FER: variants seen among roughly 807,000 people sequenced by gnomAD.
FER encodes FER tyrosine kinase.
FER carries 63 observed loss-of-function variants against 111.0 expected under a neutral mutation model. The ratio of observed to expected loss-of-function variants is 0.57; its 90% CI spans 0.46 to 0.70. The LOEUF (loss-of-function observed/expected upper bound fraction) is 0.70, where lower values mean the gene tolerates loss of function less well. Among genes scored for constraint, FER ranks in the 30% least tolerant of loss-of-function variants. FER has a pLI of 0.00. For missense variants in FER, 914 were observed against 954.0 expected (o/e 0.96, Z 0.55); for synonymous variants, 327 against 313.9 (o/e 1.04, Z -0.44).
chr5:109,140,121 T>C (rs1453678872), intron 17 of FER, among the ~76,000 whole-genome samples: 1 of 152,218 alleles, frequency 6.6e-6, no homozygotes, highest in East Asian at 1.9e-4. Flanking sequence ...TTAAGCCTTT[T>C]TAAAATTCTG....
intron 17 of FER, among the ~76,000 whole-genome samples, chr5:109,172,632 AATAAT>A: frequency 1.3e-5 from 2 of 152,164 alleles, no homozygotes; most frequent in African/African-American, 4.8e-5. Context: ...CTTAAAGTAT[AATAAT>A]AAAATAAAAA....
chr5:109,118,863 A>G (rs2126475868), intron 17 of FER, among the ~76,000 whole-genome samples: 1 of 149,134 alleles, frequency 6.7e-6, no homozygotes, highest in Admixed American at 6.7e-5. Context: ...CCCCTTTATC[A>G]TTTTTTATTG....
At chr5:109,146,274 A>C (rs865870412) in intron 17 of FER, among the ~76,000 whole-genome samples, 2 of 53,570 alleles carry the variant, frequency 3.7e-5, no homozygotes, top group African/African-American at 1.5e-4. Context: ...ATATATATAT[A>C]TATATATATA....
intron 10 of FER, among the ~76,000 whole-genome samples, chr5:108,901,399 C>G (rs1749995435): frequency 6.6e-6 from 1 of 151,798 alleles, no homozygotes; most frequent in South Asian, 2.1e-4. Flanking sequence ...CAGAGGCCAT[C>G]AAGAGAGGAA....
intron 16 of FER, among the ~76,000 whole-genome samples, chr5:109,050,125 G>A (rs7725708): frequency 0.19 from 28,611 of 152,076 alleles, 2,859 homozygotes; most frequent in Non-Finnish European, 0.22. Context: ...CTAAAATTCT[G>A]TCATTCAAGC....
intron 13 of FER, among the ~76,000 whole-genome samples, chr5:108,971,284 A>C (rs1025884739): frequency 1.8e-5 from 2 of 113,660 alleles, no homozygotes; most frequent in African/African-American, 4.6e-5. Flanking sequence ...AAAAAAAAAA[A>C]AAAAAAAAAA....
chr5:108,839,872 C>G (rs955072849), intron 5 of FER, among the ~76,000 whole-genome samples: 2 of 152,100 alleles, frequency 1.3e-5, no homozygotes, highest in East Asian at 3.9e-4. Flanking sequence ...CCACCGCGTC[C>G]GGCCATCCCA....
chr5:108,946,134 G>A lies in FER; in HGVS notation c.1241G>A (p.Arg414Lys), dbSNP rs766408738. 1.1e-5 allele frequency: 17 copies of A among 1,611,346 alleles called. No homozygotes were observed. The South Asian group carries it at 1.6e-4, about 16-fold the overall frequency. The change falls in exon 11 of 20, where the codon AGA becomes AAA. Residue 414 changes from arginine to lysine, a missense_variant. By Grantham distance (26) the Arg-to-Lys change is conservative. Transcript: ENST00000281092. ...CTTGTTTCTTAATCCCTCCAGGAAA[G>A]AAAGGAGAGGCTATCCAAATTTGAA... Reference protein sequence around the residue: ...EDARSVTSMERKERLSKFESI... With the variant: ...EDARSVTSMEKKERLSKFESI...
At chr5:108,906,655 AT>A (rs771451151) in intron 10 of FER, among the ~76,000 whole-genome samples, 1 of 152,084 alleles carries the variant, frequency 6.6e-6, no homozygotes, top group Non-Finnish European at 1.5e-5. Context: ...TTTATAAAAA[AT>A]AGTACATAAT....
intron 16 of FER, among the ~76,000 whole-genome samples, chr5:109,095,015 T>C (rs1747317244): frequency 6.6e-6 from 1 of 152,060 alleles, no homozygotes; most frequent in African/African-American, 2.4e-5. Context: ...TGAAATGTAC[T>C]CTTTTATTTT....
chr5:108,873,334 G>A (rs1561544256), intron 8 of FER, among the ~76,000 whole-genome samples: 1 of 151,956 alleles, frequency 6.6e-6, no homozygotes, highest in East Asian at 1.9e-4. Flanking sequence ...TTGTAGAGAT[G>A]GGGTTTTGCC....
chr5:108,823,372 A>C (rs1166855732), intron 3 of FER, among the ~76,000 whole-genome samples: 1 of 152,232 alleles, frequency 6.6e-6, no homozygotes, highest in African/African-American at 2.4e-5. Flanking sequence ...GTTTTACATA[A>C]TGGGTGTCCT....
intron 13 of FER, among the ~76,000 whole-genome samples, chr5:109,005,476 TG>T (rs1463634656): frequency 6.6e-6 from 1 of 152,210 alleles, no homozygotes; most frequent in Admixed American, 6.5e-5. Flanking sequence ...TGAGTTGTGA[TG>T]TATATATGTA....
intron 13 of FER, among the ~76,000 whole-genome samples, chr5:108,982,146 C>G (rs1000342969): frequency 6.6e-6 from 1 of 152,048 alleles, no homozygotes; most frequent in African/African-American, 2.4e-5. Context: ...GAATCAGAAA[C>G]TCTGAAAGTA....
chr5:109,045,649 C>G (rs553120467), intron 15 of FER, among the ~76,000 whole-genome samples: 2 of 152,110 alleles, frequency 1.3e-5, no homozygotes, highest in South Asian at 4.1e-4. Flanking sequence ...GAAAAGCTTA[C>G]TATTAAACGT....
intron 16 of FER, among the ~76,000 whole-genome samples, chr5:109,092,725 A>G (rs981069594): frequency 2.0e-5 from 3 of 152,178 alleles, no homozygotes; most frequent in African/African-American, 4.8e-5. Context: ...TAAAACTGGA[A>G]CTACCATATA....
At chr5:109,123,244 C>A (rs1359519989) in intron 17 of FER, among the ~76,000 whole-genome samples, 14 of 151,064 alleles carry the variant, frequency 9.3e-5, no homozygotes, top group Middle Eastern at 3.4e-3. Context: ...CAAGCTCCGC[C>A]TCCCGGGTTC....
At chr5:108,761,458 GT>G (rs1177085116) in intron 1 of FER, among the ~76,000 whole-genome samples, 1 of 152,108 alleles carries the variant, frequency 6.6e-6, no homozygotes, top group Non-Finnish European at 1.5e-5. Flanking sequence ...ACACTTATCA[GT>G]TAAGTTCACC....
intron 17 of FER, among the ~76,000 whole-genome samples, chr5:109,111,350 A>G (rs1445658303): frequency 3.3e-5 from 5 of 152,154 alleles, no homozygotes; most frequent in Non-Finnish European, 4.4e-5. Flanking sequence ...GTGACATGAA[A>G]GAGAAGATGT....
Sources: allele counts gnomAD v4.1 joint callset (sites outside exome capture counted in the v4.1 genomes callset), GRCh38; gene constraint gnomAD v4.1.1; transcripts MANE v1.5; gene names NCBI Gene and HGNC (gene_info 2026-07-23, HGNC 2026-07-21).